The following PAPPA variants were observed in gnomAD, a reference collection of about 807,000 sequenced individuals.
The protein encoded by PAPPA is pappalysin 1.
In PAPPA, 60 loss-of-function variants were observed where a neutral mutation model predicts 164.0. That is an observed-to-expected ratio of 0.37 (90% CI 0.30 to 0.45). PAPPA has a LOEUF of 0.45. Among genes scored for constraint, PAPPA ranks in the 20% least tolerant of loss-of-function variants. PAPPA has a pLI of 1.00. For synonymous variants in PAPPA, 875 were observed against 814.1 expected (o/e 1.07, Z -1.27); for missense variants, 1,782 against 2,087.3 (o/e 0.85, Z 2.85).
chr9:116,299,257 C>T (rs1564215554), intron 9 of PAPPA, among the ~76,000 whole-genome samples: 1 of 152,154 alleles, frequency 6.6e-6, no homozygotes, highest in Non-Finnish European at 1.5e-5. Context: ...CCCTTGCTTT[C>T]TTTTTAACTC....
intron 9 of PAPPA, among the ~76,000 whole-genome samples, chr9:116,277,330 A>C (rs774804550): frequency 6.6e-6 from 1 of 152,166 alleles, no homozygotes; most frequent in East Asian, 1.9e-4. Flanking sequence ...AAGAGGAAAA[A>C]GAAAGAGGAA....
chr9:116,391,713 G>A (rs913435033), intron 21 of PAPPA, among the ~76,000 whole-genome samples: 1 of 152,198 alleles, frequency 6.6e-6, no homozygotes, highest in Non-Finnish European at 1.5e-5. Flanking sequence ...CTTAATCATG[G>A]ACCTGGCTTG....
chr9:116,291,296 TAAAAC>T (rs1316830716), intron 9 of PAPPA, among the ~76,000 whole-genome samples: 1 of 152,082 alleles, frequency 6.6e-6, no homozygotes, highest in Admixed American at 6.6e-5. Flanking sequence ...GGATAGAAAA[TAAAAC>T]AATATATAAG....
At position 116,399,686 on chromosome 9, in the gene PAPPA, G is replaced by A. The variant is rs1464721912; in HGVS notation, c.*3070G>A. 2 of 152,566 alleles carry A rather than the reference G, an allele frequency of 1.3e-5. No individual in the cohort carries two copies. Among genetic ancestry groups the A allele is most frequent in the African/African-American group, 4.8e-5 (2 of 41,424 alleles). 9.5% of individuals were successfully genotyped at this position (152,566 alleles called of 1,614,324 possible). A position where few individuals can be genotyped will look rare whatever the true frequency, so the allele number is the denominator to read the frequency against. On this transcript the variant is annotated 3_prime_UTR_variant, in exon 22 of 22. Coordinates refer to ENST00000328252, the MANE Select transcript of PAPPA (RefSeq NM_002581.5). ...CACAATCTTAACTACCTACCCAAAG[G>A]ATTTGCATTACCCCCAGATTCTGTG...
intron 7 of PAPPA, among the ~76,000 whole-genome samples, chr9:116,261,301 G>A (rs1304833841): frequency 2.0e-5 from 3 of 152,124 alleles, no homozygotes; most frequent in Admixed American, 6.5e-5. Context: ...AATGATAAAC[G>A]AATGCTATGA....
chr9:116,371,214 C>T (rs1311029307), intron 19 of PAPPA, among the ~76,000 whole-genome samples: 6 of 152,052 alleles, frequency 3.9e-5, no homozygotes, highest in Non-Finnish European at 5.9e-5. Flanking sequence ...GTCAGGAGTT[C>T]GAGACCAGCC....
rs1218748267 is a variant in PAPPA, at chr9:116,271,279, T to C, written c.2862-46T>C. 1.4e-6 allele frequency: 2 copies of C among 1,392,438 alleles called. No homozygotes were observed. Among genetic ancestry groups the C allele is most frequent in the Non-Finnish European group, 2.0e-6 (2 of 977,822 alleles). The allele number at this position is 1,392,438 out of a possible 1,614,324, so 86.3% of individuals were successfully genotyped here. A position where few individuals can be genotyped will look rare whatever the true frequency, so the allele number is the denominator to read the frequency against. On this transcript the variant is annotated intron_variant, in intron 8 of 21. Transcript: ENST00000328252. The surrounding 1 kb of genome is among the most constrained non-coding windows in gnomAD (Gnocchi z 4.2). ...GGGACTTTTCCATGTCCAGCCATGG[T>C]TTTAAGACTAAATTGGCAAATTTCT... is the stretch of plus-strand genomic sequence containing the variant.
intron 3 of PAPPA, among the ~76,000 whole-genome samples, chr9:116,209,390 C>A (rs1440246443): frequency 6.6e-6 from 1 of 152,146 alleles, no homozygotes; most frequent in East Asian, 1.9e-4. Context: ...AAGGATCCTT[C>A]TCAGTTCTGA....
intron 1 of PAPPA, among the ~76,000 whole-genome samples, chr9:116,186,736 C>T (rs931758973): frequency 2.0e-5 from 3 of 152,168 alleles, no homozygotes; most frequent in Admixed American, 1.3e-4. Context: ...ACTTAAAATA[C>T]CCTCTTAATT....
At chr9:116,211,607 G>A (rs1419946938) in intron 3 of PAPPA, 32 bp from the exon 4 acceptor site, 1 of 1,603,898 alleles carries the variant, frequency 6.2e-7, no homozygotes, top group Admixed American at 1.7e-5. Context: ...AGAGTACCTA[G>A]TTTGCCTGAT....
rs1846225276 is a variant in PAPPA, at chr9:116,347,365, C to T, written c.3964+156C>T. Among the ~76,000 whole-genome samples the T allele has an allele frequency of 6.6e-6, 1 of 152,090 alleles. No individual in the cohort carries two copies. Among genetic ancestry groups the T allele is most frequent in the African/African-American group, 2.4e-5 (1 of 41,388 alleles). ...CTACTAATTGTATTTATGTAAACTG[C>T]CCTGCTATGCAGATAAGAAAGAAAA... On this transcript the variant is annotated intron_variant, in intron 15 of 21. Transcript: ENST00000328252. This position sits in a 1 kb window ranked among gnomAD's most constrained non-coding sequence, Gnocchi z 4.5.
At chr9:116,310,960 T>A (rs577030849) in intron 10 of PAPPA, among the ~76,000 whole-genome samples, 1 of 152,258 alleles carries the variant, frequency 6.6e-6, no homozygotes, top group African/African-American at 2.4e-5. Context: ...CAGTTTTCCT[T>A]CTGGTAGCAA....
chr9:116,352,168 A>C (rs1342335847), intron 15 of PAPPA, among the ~76,000 whole-genome samples: 1 of 152,156 alleles, frequency 6.6e-6, no homozygotes, highest in Non-Finnish European at 1.5e-5. Flanking sequence ...CAGAAAATCA[A>C]ATCTCCTAAC....
At position 116,344,721 on chromosome 9, in the gene PAPPA, G is replaced by T. The variant is rs888646501; in HGVS notation, c.3780+10G>T. The T allele has an allele frequency of 6.2e-7, 1 of 1,609,324 alleles. No individual in the cohort carries two copies. Among genetic ancestry groups the T allele is most frequent in the African/African-American group, 1.3e-5 (1 of 74,860 alleles). On this transcript the variant is annotated intron_variant, in intron 14 of 21. Transcript: ENST00000328252. ...GCTGATCAAGAGCCAGGTATGTGCA[G>T]GTGCTGAGCTCAGAGCCTCTCTGCA...
chr9:116,269,953 T>G (rs1321261564), intron 8 of PAPPA, among the ~76,000 whole-genome samples: 1 of 152,224 alleles, frequency 6.6e-6, no homozygotes, highest in Non-Finnish European at 1.5e-5. Flanking sequence ...ATCAATTCAA[T>G]GCCCTAGCCA....
chr9:116,395,513 G>A (rs1048196800), intron 21 of PAPPA, among the ~76,000 whole-genome samples: 1 of 152,182 alleles, frequency 6.6e-6, no homozygotes, highest in Non-Finnish European at 1.5e-5. Flanking sequence ...ATGCAATGAG[G>A]TGAAATCTAC....
chr9:116,350,737 C>T (rs905092629), intron 15 of PAPPA, among the ~76,000 whole-genome samples: 1 of 152,134 alleles, frequency 6.6e-6, no homozygotes, highest in Non-Finnish European at 1.5e-5. Flanking sequence ...CTGGGCACCC[C>T]AAAGCAATGA....
At chr9:116,352,682 A>C in intron 15 of PAPPA, 24 bp from the exon 16 acceptor site, 1 of 1,598,158 alleles carries the variant, frequency 6.3e-7, no homozygotes, top group South Asian at 1.1e-5. Flanking sequence ...CCCTCCTCTA[A>C]CCCTGCTTGC....
intron 9 of PAPPA, among the ~76,000 whole-genome samples, 158 bp from the exon 10 acceptor site, chr9:116,302,599 T>C (rs1237395305): frequency 1.3e-5 from 2 of 152,124 alleles, no homozygotes; most frequent in Non-Finnish European, 2.9e-5. Flanking sequence ...ATTTCCTTCT[T>C]TTTTTTTCAA....
Sources: gnomAD v4.1 joint callset for allele counts (sites outside exome capture counted in the v4.1 genomes callset) on GRCh38, gnomAD v4.1.1 for gene constraint, Gnocchi (gnomAD v3.1) non-coding constraint, MANE v1.5 for transcripts, NCBI Gene and HGNC (gene_info 2026-07-23, HGNC 2026-07-21) for gene names.